The following IL36B variants were observed in gnomAD, a reference collection of about 807,000 sequenced individuals.
The protein encoded by IL36B is interleukin-36 beta.
In IL36B, 23 loss-of-function variants were observed where a neutral mutation model predicts 19.3. The ratio of observed to expected loss-of-function variants is 1.19; its 90% confidence interval spans 0.86 to 1.69. The LOEUF is 1.69. Among genes scored for constraint, IL36B ranks in the 40% most tolerant of loss-of-function variants. IL36B has a pLI of 0.00. For missense variants in IL36B, 217 were observed against 200.5 expected (o/e 1.08, Z -0.50); for synonymous variants, 59 against 59.7 (o/e 0.99, Z 0.05).
At chr2:113,044,256 CTATATG>C (rs1685308703) in intron 1 of IL36B, among the ~76,000 whole-genome samples, 1 of 136,094 alleles carries the variant, frequency 7.3e-6, no homozygotes, top group African/African-American at 2.8e-5. Flanking sequence ...ATATCTATAT[CTATATG>C]TGTGTGTGTG....
At chr2:113,038,227 T>C (rs754612777) in intron 1 of IL36B, among the ~76,000 whole-genome samples, 2 of 152,136 alleles carry the variant, frequency 1.3e-5, no homozygotes, top group African/African-American at 4.8e-5. Context: ...TTGCTACAAG[T>C]TGTTGAAAGA....
At chr2:113,024,210 C>T (rs987702136) in intron 5 of IL36B, among the ~76,000 whole-genome samples, 9 of 152,090 alleles carry the variant, frequency 5.9e-5, no homozygotes, top group African/African-American at 1.7e-4. Flanking sequence ...GCCTGAGGAC[C>T]GTGACTCTTG....
intron 1 of IL36B, among the ~76,000 whole-genome samples, chr2:113,050,763 C>A (rs936034893): frequency 6.6e-6 from 1 of 152,110 alleles, no homozygotes; most frequent in African/African-American, 2.4e-5. Flanking sequence ...TTTTGAGGAG[C>A]CCACGAAAGC....
chr2:113,023,028 A>T (rs966818994), intron 5 of IL36B, among the ~76,000 whole-genome samples: 1 of 152,286 alleles, frequency 6.6e-6, no homozygotes, highest in Non-Finnish European at 1.5e-5. Flanking sequence ...GCCCCAGAAG[A>T]CTAAGAGGCA....
At chr2:113,034,377 C>T (rs1685130222) in intron 1 of IL36B, among the ~76,000 whole-genome samples, 1 of 152,342 alleles carries the variant, frequency 6.6e-6, no homozygotes, top group South Asian at 2.1e-4. Flanking sequence ...TATTCCCCAG[C>T]CAGCCTATCT....
Position 113,026,194 on chromosome 2 carries a change from G to A in IL36B, c.300C>T (p.Cys100=), listed in dbSNP as rs1255757080. Residue 100 remains cysteine, a synonymous_variant, in exon 5 of 6, where the codon TGC becomes TGT. Coordinates refer to ENST00000259213, the MANE Select transcript of IL36B (RefSeq NM_014438.5). ...ATGTGTGAATTCCAACTAGTTTCCAGCAAGTGTCCTTCCCTATGTTATCTT... is the reference window on the plus strand; with the variant it reads ...ATGTGTGAATTCCAACTAGTTTCCAACAAGTGTCCTTCCCTATGTTATCTT... 1.2e-6 allele frequency: 2 copies of A among 1,613,792 alleles called. No individual in the cohort carries two copies. The highest frequency in any genetic ancestry group is 1.7e-6 in the Non-Finnish European group (2 of 1,179,846).
rs1317126109 is a variant in IL36B at position 113,022,695 on chromosome 2, T to C, written c.474A>G (p.Ile158Met). The change falls in exon 6 of 6, where the codon ATA becomes ATG. Residue 158 changes from isoleucine (I) to methionine (M), a missense_variant. By Grantham distance (10) the Ile-to-Met change is conservative. Transcript: ENST00000259213. ...ATTTCTACATCCTTCCTGGCATTCCTATGTTGGTCCGCATGGATGAGAAAT... is the reference window on the plus strand; with the variant it reads ...ATTTCTACATCCTTCCTGGCATTCCCATGTTGGTCCGCATGGATGAGAAAT... 6.2e-7 allele frequency: 1 copy of C among 1,608,910 alleles called. No individual in the cohort carries two copies. The highest frequency in any genetic ancestry group is 1.1e-5 in the South Asian group (1 of 90,964).
chr2:113,029,143 C>CT, intron 3 of IL36B, 65 bp from the exon 4 acceptor site: 1 of 1,521,498 alleles, frequency 6.6e-7, no homozygotes, highest in African/African-American at 1.4e-5. Flanking sequence ...CAGTTACTCC[C>CT]CCCAGGTAGG....
intron 5 of IL36B, among the ~76,000 whole-genome samples, chr2:113,024,450 G>A (rs1327352303): frequency 6.6e-6 from 1 of 152,172 alleles, no homozygotes; most frequent in Non-Finnish European, 1.5e-5. Context: ...GCAAGGCTTA[G>A]GAAACCCACA....
chr2:113,031,313 A>T lies in IL36B; in HGVS notation c.14-158T>A, dbSNP rs578139640. Reference sequence around the variant, plus strand: ...TAAATGGAGGGGAAATAGGGCAGGGACTAGTTTGTGAATCAAAGCATTTGA... The same window carrying T: ...TAAATGGAGGGGAAATAGGGCAGGGTCTAGTTTGTGAATCAAAGCATTTGA... On this transcript the variant is annotated intron_variant, in intron 2 of 5. Transcript: ENST00000259213. Among the ~76,000 whole-genome samples the T allele has an allele frequency of 3.3e-5, 5 of 152,290 alleles. No individual in the cohort carries two copies. In the South Asian group the frequency reaches 6.2e-4, roughly 19 times the overall value.
intron 3 of IL36B, 44 bp from the exon 4 acceptor site, chr2:113,029,122 G>A (rs1685021864): frequency 6.3e-7 from 1 of 1,588,530 alleles, no homozygotes; most frequent in South Asian, 1.1e-5. Context: ...CAGTCTTTCT[G>A]GTCTGACACT....
intron 1 of IL36B, among the ~76,000 whole-genome samples, chr2:113,048,379 T>C (rs546021077): frequency 2.0e-5 from 3 of 152,270 alleles, no homozygotes; most frequent in Non-Finnish European, 4.4e-5. Flanking sequence ...GAGGCGAAGA[T>C]TGCAGTGGAC....
At chr2:113,045,586 TC>T (rs1274921804) in intron 1 of IL36B, among the ~76,000 whole-genome samples, 4 of 152,210 alleles carry the variant, frequency 2.6e-5, no homozygotes, top group African/African-American at 7.2e-5. Flanking sequence ...CTTTAAAAAT[TC>T]CATATATTAG....
chr2:113,050,808 C>T (rs1192862146), intron 1 of IL36B, among the ~76,000 whole-genome samples: 1 of 152,238 alleles, frequency 6.6e-6, no homozygotes, highest in African/African-American at 2.4e-5. Flanking sequence ...AGAGCTGGGG[C>T]TTTCTCAGGG....
chr2:113,022,380 C>T lies in IL36B; in HGVS notation c.*294G>A, dbSNP rs542455860. ...TTCAGGAGCAATGTTGTCTGATCTT[C>T]CCATTTTTCATGAAAACCTTGACTT... is the stretch of plus-strand genomic sequence containing the variant. On this transcript the variant is annotated 3_prime_UTR_variant, in exon 6 of 6. Coordinates refer to ENST00000259213, the MANE Select transcript of IL36B (RefSeq NM_014438.5). 4.3e-4 allele frequency: 91 copies of T among 212,130 alleles called. 1 individual carries two copies. The highest frequency in any genetic ancestry group is 6.9e-4 in the Non-Finnish European group (74 of 106,610). 13.1% of individuals were successfully genotyped at this position (212,130 alleles called of 1,614,324 possible).
chr2:113,052,131 G>C (rs1255321472), intron 1 of IL36B, among the ~76,000 whole-genome samples: 3 of 151,876 alleles, frequency 2.0e-5, no homozygotes, highest in Non-Finnish European at 4.4e-5. Context: ...TGTATTTTTA[G>C]TAGAGACGGG....
In IL36B at chr2:113,026,114, C is replaced by A; in HGVS notation, c.380G>T (p.Gly127Val). Residue 127 changes from glycine to valine, a missense_variant, in exon 5 of 6, where the codon GGA (glycine) becomes GTA (valine). Gly to Val is a moderately radical substitution (Grantham distance 109). Coordinates refer to ENST00000259213, the MANE Select transcript of IL36B (RefSeq NM_014438.5). The stretch of plus-strand genomic sequence containing the variant: ...AATTTGCTCCTCACCCACTCCTATT[C>A]CCCATTGGTCAAGGGTTCCCATGAA... The A allele has an allele frequency of 6.2e-7, 1 of 1,613,646 alleles. No individual in the cohort carries two copies. Among genetic ancestry groups the A allele is most frequent in the Non-Finnish European group, 8.5e-7 (1 of 1,179,714 alleles).
At chr2:113,051,952 C>CTT (rs200580226) in intron 1 of IL36B, among the ~76,000 whole-genome samples, 19 of 143,660 alleles carry the variant, frequency 1.3e-4, no homozygotes, top group Admixed American at 4.2e-4. Context: ...TCCCTCTCTC[C>CTT]TTTTTTTTTT....
intron 2 of IL36B, 151 bp downstream of exon 2, chr2:113,031,546 C>T (rs554977944): frequency 1.6e-5 from 10 of 639,986 alleles, no homozygotes; most frequent in East Asian, 8.3e-5. Flanking sequence ...CTAGGTGCCC[C>T]GAGATTTTCA....
Sources: allele counts gnomAD v4.1 joint callset (sites outside exome capture counted in the v4.1 genomes callset), GRCh38; gene constraint gnomAD v4.1.1; transcripts MANE v1.5; gene names NCBI Gene and HGNC (gene_info 2026-07-23, HGNC 2026-07-21).